NDUFAF6: variants seen among roughly 807,000 people sequenced by gnomAD.
NDUFAF6 encodes the protein NADH dehydrogenase (ubiquinone) complex I, assembly factor 6.
In NDUFAF6, 45 loss-of-function variants were observed where a neutral mutation model predicts 40.8. The ratio of observed to expected loss-of-function variants is 1.10; its 90% CI spans 0.87 to 1.42. The LOEUF is 1.42. NDUFAF6 is among the 40% of genes most tolerant of loss of function. The pLI is 0.00. For synonymous variants in NDUFAF6, 185 were observed against 155.9 expected, an observed-to-expected ratio of 1.19 and a Z score of -1.39; for missense variants, 435 against 418.5, an observed-to-expected ratio of 1.04 and a Z score of -0.34.
intron 2 of NDUFAF6, among the ~76,000 whole-genome samples, chr8:95,095,055 A>G (rs1157571601): frequency 6.6e-6 from 1 of 151,902 alleles, no homozygotes; most frequent in Non-Finnish European, 1.5e-5. Flanking sequence ...TGCCTGGCCC[A>G]CATTTTTCTA....
chr8:95,101,883 C>T (rs575570318), intron 2 of NDUFAF6, among the ~76,000 whole-genome samples: 1 of 152,332 alleles, frequency 6.6e-6, no homozygotes, highest in Non-Finnish European at 1.5e-5. Context: ...CCAGGCTCAG[C>T]CAGTGCCATC....
At chr8:95,111,461 G>T (rs1039926786) in intron 4 of NDUFAF6, among the ~76,000 whole-genome samples, 15 of 152,308 alleles carry the variant, frequency 9.8e-5, no homozygotes, top group Non-Finnish European at 1.6e-4. Context: ...TTTATAAAGT[G>T]GTTCCAAGAA....
chr8:94,904,718 C>T (rs1015037219), intron 1 of NDUFAF6, among the ~76,000 whole-genome samples: 3 of 151,730 alleles, frequency 2.0e-5, no homozygotes, highest in African/African-American at 7.3e-5. Flanking sequence ...GTATTTCTTT[C>T]CTGTTTCTTT....
chr8:94,963,919 T>A (rs921790270), intron 1 of NDUFAF6, among the ~76,000 whole-genome samples: 5 of 152,172 alleles, frequency 3.3e-5, no homozygotes, highest in Non-Finnish European at 7.3e-5. Flanking sequence ...CATTATCTTA[T>A]CATTCAACTT....
At chr8:95,003,779 A>G (rs1306044634) in intron 2 of NDUFAF6, among the ~76,000 whole-genome samples, 1 of 152,184 alleles carries the variant, frequency 6.6e-6, no homozygotes, top group African/African-American at 2.4e-5. Context: ...TCTAGCTACT[A>G]AGTTTTTTAT....
chr8:95,007,665 T>G (rs1447222980), intron 2 of NDUFAF6, among the ~76,000 whole-genome samples: 1 of 146,266 alleles, frequency 6.8e-6, no homozygotes, highest in African/African-American at 2.7e-5. Flanking sequence ...CTCTGTTTTT[T>G]TTTTTTTTTT....
At chr8:95,035,605 TTGTA>T in intron 3 of NDUFAF6, 29 bp downstream of exon 3, 3 of 1,596,408 alleles carry the variant, frequency 1.9e-6, no homozygotes, top group Non-Finnish European at 2.6e-6. Flanking sequence ...CACTTTTAAT[TTGTA>T]TGAATATTAT....
downstream of NDUFAF6, among the ~76,000 whole-genome samples, chr8:95,104,928 A>G (rs1249071497): frequency 6.6e-6 from 1 of 152,160 alleles, no homozygotes; most frequent in Non-Finnish European, 1.5e-5. Flanking sequence ...GGATCAGGAA[A>G]CAAAAGGATG....
intron 4 of NDUFAF6, among the ~76,000 whole-genome samples, chr8:95,115,003 A>G (rs1587290422): frequency 6.6e-6 from 1 of 151,918 alleles, no homozygotes; most frequent in African/African-American, 2.4e-5. Context: ...CGGAGGTTGC[A>G]GTGAGCTGAG....
At chr8:95,053,388 T>C (rs563187026) in intron 8 of NDUFAF6, among the ~76,000 whole-genome samples, 1 of 152,334 alleles carries the variant, frequency 6.6e-6, no homozygotes, top group Admixed American at 6.5e-5. Context: ...AGTGGTTATC[T>C]GATGGATATA....
intron 1 of NDUFAF6, among the ~76,000 whole-genome samples, chr8:94,935,163 A>AGATAGATAGAT (rs1563725762): frequency 6.6e-6 from 1 of 152,074 alleles, no homozygotes; most frequent in East Asian, 1.9e-4. Context: ...ATAGATAGAT[A>AGATAGATAGAT]GATAGATAGA....
chr8:94,909,462 T>G (rs1818618514), intron 1 of NDUFAF6, among the ~76,000 whole-genome samples: 1 of 145,438 alleles, frequency 6.9e-6, no homozygotes, highest in South Asian at 2.2e-4. Context: ...CCGTCTGTAC[T>G]AAAAATACAA....
intron 1 of NDUFAF6, among the ~76,000 whole-genome samples, chr8:94,934,523 G>A (rs1820774398): frequency 6.6e-6 from 1 of 151,906 alleles, no homozygotes; most frequent in Middle Eastern, 3.4e-3. Context: ...GTAGCTGGGA[G>A]TACAGGCGCC....
intron 1 of NDUFAF6, 101 bp from the exon 2 acceptor site, chr8:95,031,894 C>G: frequency 3.4e-6 from 4 of 1,184,436 alleles, no homozygotes; most frequent in Non-Finnish European, 5.0e-6. Context: ...AGCTACCGCG[C>G]CCAACTTGAA....
intron 4 of NDUFAF6, among the ~76,000 whole-genome samples, chr8:95,115,163 T>A (rs984800143): frequency 2.2e-4 from 33 of 152,224 alleles, no homozygotes; most frequent in African/African-American, 7.0e-4. Flanking sequence ...AAATTCTTTT[T>A]ATGTTTAATC....
intron 1 of NDUFAF6, among the ~76,000 whole-genome samples, chr8:94,923,248 A>C (rs1333450026): frequency 2.0e-5 from 3 of 152,220 alleles, no homozygotes; most frequent in African/African-American, 7.2e-5. Context: ...TAGTGGTCCA[A>C]GATTGCTATA....
intron 9 of NDUFAF6, among the ~76,000 whole-genome samples, chr8:95,073,738 C>T (rs1010912395): frequency 2.0e-5 from 3 of 152,156 alleles, no homozygotes; most frequent in Non-Finnish European, 4.4e-5. Flanking sequence ...AGTGAAAGTC[C>T]ACCCAAGGAA....
chr8:95,020,783 C>A (rs1334916905), upstream of NDUFAF6, among the ~76,000 whole-genome samples: 1 of 152,190 alleles, frequency 6.6e-6, no homozygotes, highest in Non-Finnish European at 1.5e-5. Context: ...GCCATATAAG[C>A]AGATCACCAC....
At chr8:95,008,328 C>T (rs762313449) in intron 2 of NDUFAF6, among the ~76,000 whole-genome samples, 14 of 152,206 alleles carry the variant, frequency 9.2e-5, no homozygotes, top group Non-Finnish European at 7.3e-5. Context: ...TGGGTAAGTG[C>T]AGCAAAGGGC....
Sources: gnomAD v4.1 joint callset for allele counts (sites outside exome capture counted in the v4.1 genomes callset) on GRCh38, gnomAD v4.1.1 for gene constraint, MANE v1.5 for transcripts, NCBI Gene and HGNC (gene_info 2026-07-23, HGNC 2026-07-21) for gene names.